The following PIH1D2 variants were observed in gnomAD, a reference collection of about 807,000 sequenced individuals.
PIH1D2 encodes PIH1 domain-containing protein 2.
A neutral mutation model predicts 31.2 loss-of-function variants in PIH1D2; 25 were observed. The ratio of observed to expected loss-of-function variants is 0.80; its 90% CI spans 0.58 to 1.12. The LOEUF is 1.12. Among genes scored for constraint, PIH1D2 ranks in the 50% most tolerant of loss-of-function variants. The pLI, the probability that PIH1D2 is intolerant of heterozygous loss-of-function variation, is 0.00. For missense variants in PIH1D2, 310 were observed against 356.6 expected, an observed-to-expected ratio of 0.87 and a Z score of 1.05; for synonymous variants, 116 against 119.9, an observed-to-expected ratio of 0.97 and a Z score of 0.21.
chr11:112,065,346 T>C (rs187379982), downstream of PIH1D2, among the ~76,000 whole-genome samples: 47 of 152,334 alleles, frequency 3.1e-4, no homozygotes, highest in African/African-American at 1.1e-3. Flanking sequence ...GTATATTAGG[T>C]CTTGATGTGC....
chr11:112,053,328 A>G, the PIH1D2 span, among the ~76,000 whole-genome samples: 1 of 152,156 alleles, frequency 6.6e-6, no homozygotes, highest in African/African-American at 2.4e-5. Context: ...GTCTCAAAAA[A>G]ATATTTTCCT....
At chr11:112,066,565 G>C (rs1292984024), downstream of PIH1D2, among the ~76,000 whole-genome samples, 2 of 151,472 alleles carry the variant, frequency 1.3e-5, no homozygotes. Context: ...TTGAACCCAG[G>C]AGGTGGAGGT....
At chr11:112,068,978 T>TTTTG (rs1186212167) in intron 5 of PIH1D2, among the ~76,000 whole-genome samples, 20 of 138,700 alleles carry the variant, frequency 1.4e-4, no homozygotes, top group African/African-American at 6.3e-4. Flanking sequence ...TCTGAATTTT[T>TTTTG]TTTGTTTTTT....
At chr11:112,071,422 C>T in intron 3 of PIH1D2, 139 bp from the exon 4 acceptor site, 1 of 1,292,580 alleles carries the variant, frequency 7.7e-7, no homozygotes. Context: ...AGTAGTGCTA[C>T]AGCAATTATG....
At chr11:112,065,656 A>C (rs587700289), downstream of PIH1D2, among the ~76,000 whole-genome samples, 10 of 152,312 alleles carry the variant, frequency 6.6e-5, no homozygotes, top group African/African-American at 2.4e-4. Flanking sequence ...GGAAAAAAAA[A>C]CAAAAATCCA....
intron 5 of PIH1D2, 68 bp downstream of exon 5, chr11:112,070,368 A>C: frequency 6.5e-7 from 1 of 1,529,052 alleles, no homozygotes; most frequent in Non-Finnish European, 9.0e-7. Flanking sequence ...GTAGTTTGTT[A>C]CTGTGGCATA....
the PIH1D2 span, among the ~76,000 whole-genome samples, chr11:112,058,177 G>C: frequency 1.3e-5 from 2 of 152,110 alleles, no homozygotes; most frequent in Non-Finnish European, 2.9e-5. Flanking sequence ...AACATGTACT[G>C]TTTACTGGAT....
the PIH1D2 span, among the ~76,000 whole-genome samples, chr11:112,056,864 A>G: frequency 6.6e-6 from 1 of 152,176 alleles, no homozygotes; most frequent in Non-Finnish European, 1.5e-5. Flanking sequence ...AGTGAGAACC[A>G]TCTACTTGTG....
intron 2 of PIH1D2, 109 bp downstream of exon 2, chr11:112,072,889 C>CA (rs1164293992): frequency 0.022 from 18,889 of 856,096 alleles, 22 homozygotes; most frequent in African/African-American, 0.039. Flanking sequence ...CAAAACAAAA[C>CA]AAAAAAAAAA....
rs116845951 is a variant in PIH1D2 at position 112,070,057 on chromosome 11, C to T, written c.813+379G>A. On this transcript the variant is annotated intron_variant, in intron 5 of 5. Coordinates refer to ENST00000280350, the MANE Select transcript of PIH1D2 (RefSeq NM_138789.4). Reference sequence around the variant, plus strand: ...AGACTGGTAGACTGTAGGACTGACTCTAACTATTTGCTCTTCTGTAAGAGG... The same window carrying T: ...AGACTGGTAGACTGTAGGACTGACTTTAACTATTTGCTCTTCTGTAAGAGG... 1,361 of 332,828 alleles carry T rather than the reference C, an allele frequency of 4.1e-3. 44 individuals are homozygous for T. The East Asian group carries it at 0.059, about 14-fold the overall frequency. The allele number at this position is 332,828 out of a possible 1,614,324, so 20.6% of individuals were successfully genotyped here. A position where few individuals can be genotyped will look rare whatever the true frequency, so the allele number is the denominator to read the frequency against.
chr11:112,073,223 T>G lies in PIH1D2; in HGVS notation c.-31-18A>C. On this transcript the variant is annotated intron_variant, in intron 1 of 5. Transcript: ENST00000280350. ...TCTTAAGCCTGTGGAAAAACACGAC[T>G]TCAGGAAGAAAACTGTCTGTGTAAT... 6.8e-7 allele frequency: 1 copy of G among 1,461,910 alleles called. No homozygotes were observed. Among genetic ancestry groups the G allele is most frequent in the Non-Finnish European group, 9.3e-7 (1 of 1,072,142 alleles). 90.6% of individuals were successfully genotyped at this position (1,461,910 alleles called of 1,614,324 possible). A position where few individuals can be genotyped will look rare whatever the true frequency, so the allele number is the denominator to read the frequency against.
At chr11:112,068,973 A>ATT (rs1159827826) in intron 5 of PIH1D2, among the ~76,000 whole-genome samples, 29 of 134,376 alleles carry the variant, frequency 2.2e-4, no homozygotes, top group African/African-American at 8.8e-4. Context: ...AAACCTCTGA[A>ATT]TTTTTTTTGT....
At chr11:112,065,854 G>A (rs975510252), downstream of PIH1D2, among the ~76,000 whole-genome samples, 4 of 152,062 alleles carry the variant, frequency 2.6e-5, no homozygotes, top group African/African-American at 9.7e-5. Context: ...GGTGGCAGTC[G>A]CCTGTAATCC....
At chr11:112,058,001 A>T in the PIH1D2 span, among the ~76,000 whole-genome samples, 1 of 152,230 alleles carries the variant, frequency 6.6e-6, no homozygotes, top group Non-Finnish European at 1.5e-5. Context: ...CTAGGAGATC[A>T]GAAAATTCAT....
chr11:112,057,605 A>C, the PIH1D2 span, among the ~76,000 whole-genome samples: 3 of 152,262 alleles, frequency 2.0e-5, no homozygotes, highest in African/African-American at 4.8e-5. Context: ...AGCTTAATTC[A>C]GAGCAAGGCC....
At chr11:112,070,318 C>T (rs1475721679) in intron 5 of PIH1D2, 118 bp downstream of exon 5, 53 of 1,257,182 alleles carry the variant, frequency 4.2e-5, no homozygotes, top group Admixed American at 9.3e-5. Flanking sequence ...GCTCCTTCAC[C>T]GGGTAACCTG....
the PIH1D2 span, among the ~76,000 whole-genome samples, chr11:112,055,733 A>G: frequency 2.0e-5 from 3 of 151,742 alleles, no homozygotes; most frequent in East Asian, 5.8e-4. Flanking sequence ...AGCAGCAAAC[A>G]TTCAAGGAAT....
downstream of PIH1D2, among the ~76,000 whole-genome samples, chr11:112,058,617 G>GC (rs797033107): frequency 3.8e-4 from 11 of 29,048 alleles, no homozygotes; most frequent in East Asian, 0.013. Flanking sequence ...GGTGGGGGAA[G>GC]GGGGGGGTGG....
downstream of PIH1D2, among the ~76,000 whole-genome samples, chr11:112,066,494 T>C (rs1864931358): frequency 1.3e-5 from 2 of 151,122 alleles, no homozygotes; most frequent in African/African-American, 4.9e-5. Flanking sequence ...AAAAATTAGC[T>C]AGGGGCGGTT....
Sources: allele counts gnomAD v4.1 joint callset (sites outside exome capture counted in the v4.1 genomes callset), GRCh38; gene constraint gnomAD v4.1.1; transcripts MANE v1.5; gene names NCBI Gene and HGNC (gene_info 2026-07-23, HGNC 2026-07-21).